AGBL1: variants seen among roughly 807,000 people sequenced by gnomAD.
The protein encoded by AGBL1 is AGBL carboxypeptidase 1, also known as cytosolic carboxypeptidase 4.
Under a neutral mutation model 118.9 loss-of-function variants are expected in AGBL1, and 130 were observed. The ratio of observed to expected loss-of-function variants is 1.09; its 90% CI spans 0.95 to 1.26. The LOEUF (loss-of-function observed/expected upper bound fraction) is 1.26, where lower values mean the gene tolerates loss of function less well. Ranked by LOEUF, AGBL1 falls within the 50% of genes most tolerant of loss-of-function variation. AGBL1 has a pLI of 0.00. For missense variants in AGBL1, 1,584 were observed against 1,298.1 expected (o/e 1.22, Z -3.38); for synonymous variants, 555 against 478.9 (o/e 1.16, Z -2.08).
intron 22 of AGBL1, among the ~76,000 whole-genome samples, chr15:86,781,765 C>G (rs554702273): frequency 5.3e-5 from 8 of 152,234 alleles, no homozygotes; most frequent in Admixed American, 5.2e-4. Context: ...CAGCTTGAGG[C>G]TTATGAGACT....
intron 1 of AGBL1, among the ~76,000 whole-genome samples, chr15:86,113,855 G>GA (rs1459273383): frequency 1.3e-5 from 2 of 152,110 alleles, no homozygotes; most frequent in African/African-American, 4.8e-5. Context: ...GGTAGTCTAA[G>GA]AAAAATGACC....
In AGBL1 at chr15:86,309,902, T is replaced by C. The variant is rs141792802; in HGVS notation, c.2374+14494T>C. 3.9e-5 allele frequency among the ~76,000 whole-genome samples: 6 copies of C among 152,358 alleles called. No individual in the cohort carries two copies. In the East Asian group the frequency reaches 9.6e-4, roughly 24 times the overall value. ...GGCCTATAATTTTCTTTTCTTATAA[T>C]ATCCCTGTCTAGCTTCAGTCATAGA... On this transcript the variant is annotated intron_variant, in intron 17 of 22. Coordinates refer to ENST00000614907, the MANE Select transcript of AGBL1 (RefSeq NM_001386094.1).
chr15:86,558,697 T>C (rs559633288), intron 21 of AGBL1, among the ~76,000 whole-genome samples: 33 of 152,196 alleles, frequency 2.2e-4, no homozygotes, highest in East Asian at 3.9e-4. Context: ...GAGTTTCATA[T>C]AGGAAATTCA....
chr15:86,632,158 C>T (rs1317621164), intron 21 of AGBL1, among the ~76,000 whole-genome samples: 1 of 150,828 alleles, frequency 6.6e-6, no homozygotes, highest in Admixed American at 6.6e-5. Context: ...GTCCCAGCTA[C>T]TTGGAAGGCT....
At chr15:86,384,773 T>C (rs939936027) in intron 17 of AGBL1, among the ~76,000 whole-genome samples, 2 of 152,140 alleles carry the variant, frequency 1.3e-5, no homozygotes, top group Non-Finnish European at 1.5e-5. Context: ...CACTTTCTTA[T>C]AGTTTAGAGA....
chr15:86,178,359 A>G (rs1312310485), intron 5 of AGBL1, among the ~76,000 whole-genome samples: 1 of 152,178 alleles, frequency 6.6e-6, no homozygotes, highest in Non-Finnish European at 1.5e-5. Flanking sequence ...CTGATAAGAA[A>G]AAGAGAGAAG....
chr15:86,167,882 G>A (rs2077363960), intron 5 of AGBL1, among the ~76,000 whole-genome samples: 1 of 152,348 alleles, frequency 6.6e-6, no homozygotes, highest in East Asian at 1.9e-4. Flanking sequence ...AGCTCTCTAT[G>A]TGATCATTAG....
chr15:86,632,983 T>C (rs1348939689), intron 21 of AGBL1, among the ~76,000 whole-genome samples: 1 of 152,148 alleles, frequency 6.6e-6, no homozygotes, highest in South Asian at 2.1e-4. Flanking sequence ...GAAGACAAAA[T>C]GGATGAGAAC....
intron 22 of AGBL1, among the ~76,000 whole-genome samples, chr15:86,824,330 C>A (rs889520371): frequency 6.6e-6 from 1 of 151,930 alleles, no homozygotes; most frequent in Non-Finnish European, 1.5e-5. Context: ...AATATAATAC[C>A]ATTTATAATT....
At chr15:86,450,951 A>T (rs1269569152) in intron 18 of AGBL1, among the ~76,000 whole-genome samples, 2 of 151,724 alleles carry the variant, frequency 1.3e-5, no homozygotes, top group Admixed American at 6.6e-5. Context: ...GTTTATGTTG[A>T]TTTTTTTTCT....
chr15:86,788,434 G>T (rs925936384), intron 22 of AGBL1, among the ~76,000 whole-genome samples: 3 of 152,120 alleles, frequency 2.0e-5, no homozygotes, highest in Non-Finnish European at 4.4e-5. Context: ...TGAAGTCACT[G>T]CAAGAAAATG....
intron 22 of AGBL1, among the ~76,000 whole-genome samples, chr15:86,753,701 A>C (rs1204194537): frequency 6.6e-6 from 1 of 151,976 alleles, no homozygotes; most frequent in Non-Finnish European, 1.5e-5. Flanking sequence ...CCTGGCCTCA[A>C]GGCTGTCTTT....
intron 5 of AGBL1, among the ~76,000 whole-genome samples, chr15:86,166,116 G>T (rs1044319713): frequency 4.6e-5 from 7 of 152,100 alleles, no homozygotes; most frequent in African/African-American, 1.7e-4. Flanking sequence ...ACCCAGAGAG[G>T]CTGAACCAAG....
chr15:86,234,642 A>G (rs1597599291), intron 6 of AGBL1, among the ~76,000 whole-genome samples: 2 of 151,152 alleles, frequency 1.3e-5, no homozygotes, highest in Non-Finnish European at 2.9e-5. Flanking sequence ...GACTGTGTAG[A>G]GTTGAACTGT....
At chr15:86,421,476 A>T (rs888879350) in intron 18 of AGBL1, among the ~76,000 whole-genome samples, 2 of 152,198 alleles carry the variant, frequency 1.3e-5, no homozygotes, top group Non-Finnish European at 2.9e-5. Flanking sequence ...GAAAGGAAAA[A>T]CCAGTACCAG....
At chr15:86,839,283 G>A (rs368089483) in intron 22 of AGBL1, among the ~76,000 whole-genome samples, 23 of 152,262 alleles carry the variant, frequency 1.5e-4, no homozygotes, top group African/African-American at 5.5e-4. Context: ...CCTCTACTCT[G>A]CTGATTTTCT....
chr15:86,668,759 C>T (rs1410742859), intron 21 of AGBL1, among the ~76,000 whole-genome samples: 1 of 152,150 alleles, frequency 6.6e-6, no homozygotes, highest in Admixed American at 6.5e-5. Flanking sequence ...GACCATCACA[C>T]AAAGCCAGGA....
intron 22 of AGBL1, among the ~76,000 whole-genome samples, chr15:86,726,650 C>T (rs1596410835): frequency 6.6e-6 from 1 of 152,272 alleles, no homozygotes; most frequent in East Asian, 1.9e-4. Flanking sequence ...CAGCCTCAAC[C>T]TCCTGGGCTC....
intron 5 of AGBL1, among the ~76,000 whole-genome samples, chr15:86,200,094 T>G (rs772636267): frequency 9.4e-4 from 143 of 152,350 alleles, no homozygotes; most frequent in Admixed American, 2.2e-3. Context: ...TACACGTGTC[T>G]CAGTTTGTTG....
Sources: allele counts gnomAD v4.1 joint callset (sites outside exome capture counted in the v4.1 genomes callset), GRCh38; gene constraint gnomAD v4.1.1; transcripts MANE v1.5; gene names NCBI Gene and HGNC (gene_info 2026-07-23, HGNC 2026-07-21).